The following C3orf33 variants were observed in gnomAD, a reference collection of about 807,000 sequenced individuals.
C3orf33 encodes the protein mitochondrial inner membrane subdomain organizer 1.
Under a neutral mutation model 28.7 loss-of-function variants are expected in C3orf33, and 23 were observed. That is an observed-to-expected ratio of 0.80 (90% CI 0.58 to 1.13). The LOEUF is 1.13. Ranked by LOEUF, C3orf33 falls within the 50% of genes most tolerant of loss-of-function variation. The pLI, the probability that C3orf33 is intolerant of heterozygous loss-of-function variation, is 0.00. For synonymous variants in C3orf33, 119 were observed against 120.5 expected, an observed-to-expected ratio of 0.99 and a Z score of 0.08; for missense variants, 327 against 353.4, an observed-to-expected ratio of 0.93 and a Z score of 0.60.
At chr3:155,783,929 GTTTT>G (rs550660072) in intron 2 of C3orf33, among the ~76,000 whole-genome samples, 8 of 145,708 alleles carry the variant, frequency 5.5e-5, no homozygotes, top group East Asian at 4.0e-4. Flanking sequence ...TTTGTTTGGG[GTTTT>G]TTTTTTGTTT....
chr3:155,788,127 C>T (rs902569086), intron 2 of C3orf33, among the ~76,000 whole-genome samples: 15 of 151,236 alleles, frequency 9.9e-5, no homozygotes, highest in African/African-American at 3.6e-4. Flanking sequence ...GGAGGCGGAG[C>T]TTACAGTGAG....
At chr3:155,790,920 C>A (rs1203151928) in intron 2 of C3orf33, among the ~76,000 whole-genome samples, 1 of 152,138 alleles carries the variant, frequency 6.6e-6, no homozygotes, top group Non-Finnish European at 1.5e-5. Context: ...TAGGCAAATC[C>A]TGGTGCCGTG....
In C3orf33 at chr3:155,802,431, T is replaced by C. The variant is rs185993087; in HGVS notation, c.174+101A>G. 194 of 834,032 alleles carry C rather than the reference T, an allele frequency of 2.3e-4. No individual in the cohort carries two copies. In the East Asian group the frequency reaches 3.8e-3, roughly 16 times the overall value. 51.7% of individuals were successfully genotyped at this position (834,032 alleles called of 1,614,324 possible). A position where few individuals can be genotyped will look rare whatever the true frequency, so the allele number is the denominator to read the frequency against. ...TAAAATACTATTTAAAAGCTACCAA[T>C]ACGAGTAACAATATGATACACTGTT... On this transcript the variant is annotated intron_variant, in intron 2 of 4. Coordinates refer to ENST00000340171, the MANE Select transcript of C3orf33 (RefSeq NM_001308229.2).
intron 2 of C3orf33, among the ~76,000 whole-genome samples, chr3:155,800,643 G>GAAAAAAAAAAAA (rs1751620237): frequency 1.9e-5 from 1 of 53,166 alleles, no homozygotes; most frequent in Non-Finnish European, 4.2e-5. Context: ...AAAAAAAAAG[G>GAAAAAAAAAAAA]CAACATACAG....
chr3:155,796,865 T>C (rs1751488344), intron 2 of C3orf33, among the ~76,000 whole-genome samples: 2 of 152,182 alleles, frequency 1.3e-5, no homozygotes, highest in South Asian at 4.1e-4. Flanking sequence ...TCAACATACA[T>C]AAATCAATCG....
At chr3:155,773,531 G>A (rs1451388182) in intron 3 of C3orf33, among the ~76,000 whole-genome samples, 2 of 152,182 alleles carry the variant, frequency 1.3e-5, no homozygotes, top group Non-Finnish European at 2.9e-5. Flanking sequence ...AACTGGAGGA[G>A]AAAAGTGGGA....
At chr3:155,767,133 G>A (rs1377157286) in intron 4 of C3orf33, among the ~76,000 whole-genome samples, 1 of 151,724 alleles carries the variant, frequency 6.6e-6, no homozygotes, top group Non-Finnish European at 1.5e-5. Context: ...CCCATGTGTA[G>A]TCCCAGCTAC....
At chr3:155,781,091 G>A (rs1468796164) in intron 2 of C3orf33, among the ~76,000 whole-genome samples, 4 of 150,096 alleles carry the variant, frequency 2.7e-5, no homozygotes, top group East Asian at 1.9e-4. Flanking sequence ...TCCGCTTCCC[G>A]GGTTCACGCC....
intron 2 of C3orf33, among the ~76,000 whole-genome samples, chr3:155,794,741 G>A (rs962165864): frequency 1.3e-5 from 2 of 151,990 alleles, no homozygotes; most frequent in African/African-American, 4.8e-5. Context: ...CTATATTTAT[G>A]GCAGATTTAC....
intron 1 of C3orf33, among the ~76,000 whole-genome samples, chr3:155,804,913 C>A (rs1333955316): frequency 6.6e-6 from 1 of 152,158 alleles, no homozygotes; most frequent in Non-Finnish European, 1.5e-5. Context: ...TAATAATGAT[C>A]TCCAAATTTG....
chr3:155,773,731 A>G (rs533457146), intron 3 of C3orf33, among the ~76,000 whole-genome samples: 88 of 152,344 alleles, frequency 5.8e-4, no homozygotes, highest in African/African-American at 2.0e-3. Flanking sequence ...CATGCAATGC[A>G]TAGCCTGGAC....
chr3:155,777,341 G>C (rs565501073), intron 2 of C3orf33, among the ~76,000 whole-genome samples: 1 of 151,824 alleles, frequency 6.6e-6, no homozygotes, highest in Non-Finnish European at 1.5e-5. Context: ...AAAAATCATA[G>C]TGACAATCAA....
At chr3:155,784,049 A>G (rs1751025037) in intron 2 of C3orf33, among the ~76,000 whole-genome samples, 1 of 151,904 alleles carries the variant, frequency 6.6e-6, no homozygotes, top group Admixed American at 6.6e-5. Context: ...CTCCTGCCTC[A>G]GCCTCCCAAG....
intron 3 of C3orf33, among the ~76,000 whole-genome samples, chr3:155,768,172 G>A (rs925711442): frequency 3.9e-5 from 6 of 152,096 alleles, no homozygotes; most frequent in Non-Finnish European, 8.8e-5. Flanking sequence ...GAGTCACCAC[G>A]CCCAGCCTTC....
chr3:155,801,608 A>G (rs1226654991), intron 2 of C3orf33, among the ~76,000 whole-genome samples: 1 of 152,204 alleles, frequency 6.6e-6, no homozygotes, highest in Non-Finnish European at 1.5e-5. Context: ...GGCTAAGTGA[A>G]AAAAGCCAGT....
intron 2 of C3orf33, among the ~76,000 whole-genome samples, chr3:155,776,688 TAAG>T (rs1340538727): frequency 7.2e-6 from 1 of 138,656 alleles, no homozygotes; most frequent in Non-Finnish European, 1.5e-5. Flanking sequence ...CCCAGGAGTT[TAAG>T]GTTACAGTGA....
chr3:155,787,807 C>T (rs1167998909), intron 2 of C3orf33, among the ~76,000 whole-genome samples: 1 of 151,962 alleles, frequency 6.6e-6, no homozygotes, highest in Admixed American at 6.6e-5. Context: ...AGCCACCACA[C>T]ACAGTCTTTC....
At chr3:155,790,033 G>A (rs942796064) in intron 2 of C3orf33, among the ~76,000 whole-genome samples, 8 of 151,746 alleles carry the variant, frequency 5.3e-5, no homozygotes, top group Admixed American at 2.6e-4. Flanking sequence ...ATGTAGTGGC[G>A]CATGCCTGTA....
At chr3:155,788,345 T>A (rs1751203823) in intron 2 of C3orf33, among the ~76,000 whole-genome samples, 1 of 151,834 alleles carries the variant, frequency 6.6e-6, no homozygotes, top group Non-Finnish European at 1.5e-5. Context: ...CTTAAGAAAC[T>A]AAGAATAGAA....
Sources: allele counts gnomAD v4.1 joint callset (sites outside exome capture counted in the v4.1 genomes callset), GRCh38; gene constraint gnomAD v4.1.1; transcripts MANE v1.5; gene names NCBI Gene and HGNC (gene_info 2026-07-23, HGNC 2026-07-21).